EPHX2: variants seen among roughly 807,000 people sequenced by gnomAD.
EPHX2 encodes bifunctional epoxide hydrolase 2.
A neutral mutation model predicts 78.7 loss-of-function variants in EPHX2; 74 were observed. The ratio of observed to expected loss-of-function variants is 0.94; its 90% CI spans 0.78 to 1.14. EPHX2 has a LOEUF of 1.14. EPHX2 is among the 50% of genes most tolerant of loss of function. The pLI is 0.00. For missense variants in EPHX2, 715 were observed against 702.5 expected (o/e 1.02, Z -0.20); for synonymous variants, 251 against 255.2 (o/e 0.98, Z 0.16).
rs373953886 is a variant in EPHX2, at chr8:27,532,021, A to G, written c.1171-4763A>G. On this transcript the variant is annotated intron_variant, in intron 12 of 18. Coordinates refer to ENST00000521400, the MANE Select transcript of EPHX2 (RefSeq NM_001979.6). Reference sequence around the variant, plus strand: ...CTGCATTTCTGGGGGCTCCTCTGACAGTGTGCTGAATACGCACATGGGAAG... The same window carrying G: ...CTGCATTTCTGGGGGCTCCTCTGACGGTGTGCTGAATACGCACATGGGAAG... Among the ~76,000 whole-genome samples, 72 of 152,278 alleles carry G rather than the reference A, an allele frequency of 4.7e-4. No individual in the cohort carries two copies. In the East Asian group the frequency reaches 0.01, roughly 22 times the overall value.
chr8:27,543,628 C>G, intron 16 of EPHX2, 121 bp from the exon 17 acceptor site: 1 of 950,188 alleles, frequency 1.1e-6, no homozygotes, highest in Non-Finnish European at 1.6e-6. Context: ...GTCTGTTGTG[C>G]AAAGTTCGGC....
chr8:27,518,886 C>G (rs1193275776), intron 9 of EPHX2, among the ~76,000 whole-genome samples: 1 of 152,204 alleles, frequency 6.6e-6, no homozygotes. Flanking sequence ...AGTGTCTCCC[C>G]CAAAGTCCTA....
intron 11 of EPHX2, among the ~76,000 whole-genome samples, chr8:27,522,828 G>A (rs1814696181): frequency 6.6e-6 from 1 of 152,056 alleles, no homozygotes; most frequent in Admixed American, 6.6e-5. Flanking sequence ...GGGCATGGTG[G>A]CGTGCACCTA....
chr8:27,526,790 C>A (rs1389486433), intron 12 of EPHX2, among the ~76,000 whole-genome samples: 2 of 152,102 alleles, frequency 1.3e-5, no homozygotes, highest in Non-Finnish European at 2.9e-5. Flanking sequence ...CACTCTGTCA[C>A]TCAGGCTGGA....
At chr8:27,510,223 C>T (rs1814187325) in intron 5 of EPHX2, among the ~76,000 whole-genome samples, 2 of 152,156 alleles carry the variant, frequency 1.3e-5, no homozygotes, top group East Asian at 1.9e-4. Flanking sequence ...ATGAATTTTT[C>T]GTTGGGTTAC....
intron 13 of EPHX2, 133 bp from the exon 14 acceptor site, chr8:27,538,526 G>A (rs1473045297): frequency 1.3e-6 from 1 of 768,666 alleles, no homozygotes; most frequent in South Asian, 1.9e-5. Context: ...GTACTCAGAG[G>A]TCATTTGTCA....
Position 27,543,736 on chromosome 8 carries a change from G to T in EPHX2, c.1450-13G>T. 6.2e-7 allele frequency: 1 copy of T among 1,613,696 alleles called. No homozygotes were observed. The highest frequency in any genetic ancestry group is 8.5e-7 in the Non-Finnish European group (1 of 1,179,856). ...GGAGTGCTGGCCACTTCTGTTTCCT[G>T]TTCTCCCCCCAGATCCTGATTCCGG... On this transcript the variant is annotated splice_polypyrimidine_tract_variant and intron_variant, in intron 16 of 18. Transcript: ENST00000521400.
intron 12 of EPHX2, among the ~76,000 whole-genome samples, chr8:27,534,651 T>A (rs1026596469): frequency 6.9e-6 from 1 of 144,394 alleles, no homozygotes; most frequent in Non-Finnish European, 1.5e-5. Context: ...CTAAAAAAAA[T>A]AAAAATAAAA....
chr8:27,524,957 G>A (rs1049729582), intron 11 of EPHX2, among the ~76,000 whole-genome samples: 1 of 150,398 alleles, frequency 6.6e-6, no homozygotes, highest in Non-Finnish European at 1.5e-5. Context: ...GCTCAATCCA[G>A]AGGAGACACA....
At chr8:27,528,618 T>C (rs1814927279) in intron 12 of EPHX2, among the ~76,000 whole-genome samples, 2 of 152,148 alleles carry the variant, frequency 1.3e-5, no homozygotes, top group Non-Finnish European at 1.5e-5. Context: ...GGATGTATAG[T>C]GGGTGCTGGG....
rs144026513 is a variant in EPHX2, at chr8:27,519,972, G to A, written c.946-911G>A. The stretch of plus-strand genomic sequence containing the variant: ...TCCTCACGTGCTCGTCCCTCTGTGC[G>A]TGTCTGTGTCCTAATCTCCTCCTCT... On this transcript the variant is annotated intron_variant, in intron 9 of 18. Coordinates refer to ENST00000521400, the MANE Select transcript of EPHX2 (RefSeq NM_001979.6). 3.8e-3 allele frequency among the ~76,000 whole-genome samples: 580 copies of A among 151,410 alleles called. 5 individuals carry two copies. Among genetic ancestry groups the A allele is most frequent in the African/African-American group, 0.013 (553 of 41,306 alleles).
At chr8:27,494,826 G>T (rs1342338231) in intron 1 of EPHX2, among the ~76,000 whole-genome samples, 1 of 152,238 alleles carries the variant, frequency 6.6e-6, no homozygotes, top group Non-Finnish European at 1.5e-5. Context: ...CTGGCTTCGG[G>T]CATGAGTACC....
At chr8:27,493,668 A>T (rs959674557) in intron 1 of EPHX2, among the ~76,000 whole-genome samples, 4 of 151,114 alleles carry the variant, frequency 2.6e-5, no homozygotes, top group Non-Finnish European at 4.4e-5. Context: ...TAGTGTTGGG[A>T]CTTAGGAGAA....
chr8:27,540,642 G>A lies in EPHX2; in HGVS notation c.1365G>A (p.Lys455=). 6.2e-7 allele frequency: 1 copy of A among 1,614,044 alleles called. No homozygotes were observed. Among genetic ancestry groups the A allele is most frequent in the Non-Finnish European group, 8.5e-7 (1 of 1,179,946 alleles). ...EEIQFYVQQF[K]KSGFRGPLNW... ...TCCAGTTCTATGTGCAGCAGTTCAA[G>A]AAGTCTGGTTTCAGGTAAAGAGAGC... The change falls in exon 15 of 19, where the codon AAG becomes AAA. Residue 455 remains lysine, a synonymous_variant. Transcript: ENST00000521400.
intron 6 of EPHX2, among the ~76,000 whole-genome samples, chr8:27,513,686 G>A (rs1814339419): frequency 6.6e-6 from 1 of 152,172 alleles, no homozygotes; most frequent in African/African-American, 2.4e-5. Context: ...AAAATGAGAT[G>A]GGAAAGGACA....
intron 3 of EPHX2, among the ~76,000 whole-genome samples, chr8:27,504,444 T>C (rs529845802): frequency 6.6e-6 from 1 of 152,314 alleles, no homozygotes; most frequent in African/African-American, 2.4e-5. Flanking sequence ...TATGTACACT[T>C]CTCTAGTTTT....
At chr8:27,524,893 C>T (rs534578113) in intron 11 of EPHX2, among the ~76,000 whole-genome samples, 4 of 151,986 alleles carry the variant, frequency 2.6e-5, no homozygotes, top group African/African-American at 7.2e-5. Context: ...AGGATAAAAA[C>T]GATATTTTAT....
intron 14 of EPHX2, 64 bp downstream of exon 14, chr8:27,538,756 C>G (rs1425615806): frequency 1.3e-6 from 2 of 1,557,710 alleles, no homozygotes; most frequent in Non-Finnish European, 1.8e-6. Flanking sequence ...ATGTTTCTGT[C>G]TCTGACTGCT....
chr8:27,540,588 C>T lies in EPHX2; in HGVS notation c.1311C>T (p.Ser437=), dbSNP rs779013621. 44 of 1,614,140 alleles carry T rather than the reference C, an allele frequency of 2.7e-5. 1 individual carries two copies. The East Asian group carries it at 3.8e-4, about 14-fold the overall frequency. The change falls in exon 15 of 19, where the codon AGC becomes AGT. Residue 437 remains serine, a synonymous_variant. Coordinates refer to ENST00000521400, the MANE Select transcript of EPHX2 (RefSeq NM_001979.6). The stretch of plus-strand genomic sequence containing the variant: ...TTGTAAATAGCCCAGAAGAGCCCAG[C>T]CTCAGCAGGATGGTCACTGAGGAGG... The part of the protein sequence containing the change: ...GLFVNSPEEP[S]LSRMVTEEEI...
Sources: allele counts gnomAD v4.1 joint callset (sites outside exome capture counted in the v4.1 genomes callset), GRCh38; gene constraint gnomAD v4.1.1; transcripts MANE v1.5; gene names NCBI Gene and HGNC (gene_info 2026-07-23, HGNC 2026-07-21).